The following PCDH7 variants were observed in gnomAD, a reference collection of about 807,000 sequenced individuals.
PCDH7 encodes the protein protocadherin 7, also known as protocadherin-7.
Under a neutral mutation model 58.9 loss-of-function variants are expected in PCDH7, and 17 were observed. The observed-to-expected ratio is 0.29, with a 90% CI of 0.20 to 0.43. The LOEUF (loss-of-function observed/expected upper bound fraction) is 0.43, where lower values mean the gene tolerates loss of function less well. Among genes scored for constraint, PCDH7 ranks in the 20% least tolerant of loss-of-function variants. PCDH7 has a pLI of 1.00. For synonymous variants in PCDH7, 664 were observed against 616.4 expected (o/e 1.08, Z -1.14); for missense variants, 1,274 against 1,441.0 (o/e 0.88, Z 1.88).
chr4:30,799,758 C>T (rs76620647), intron 1 of PCDH7, among the ~76,000 whole-genome samples: 2,354 of 152,018 alleles, frequency 0.015, 56 homozygotes, highest in African/African-American at 0.053. Context: ...GGTTTCCTTA[C>T]CAGACTTATT....
intron 1 of PCDH7, among the ~76,000 whole-genome samples, chr4:30,910,956 C>T (rs1321118345): frequency 6.6e-6 from 1 of 152,168 alleles, no homozygotes; most frequent in Non-Finnish European, 1.5e-5. Flanking sequence ...GGCACATACA[C>T]ACCATGGAAT....
intron 3 of PCDH7, among the ~76,000 whole-genome samples, chr4:31,013,243 T>A (rs1164972903): frequency 6.9e-6 from 1 of 144,396 alleles, no homozygotes; most frequent in Non-Finnish European, 1.5e-5. Context: ...CAACTATGGA[T>A]GCACACATGG....
At chr4:30,895,515 A>G (rs779387096) in intron 1 of PCDH7, among the ~76,000 whole-genome samples, 1 of 152,092 alleles carries the variant, frequency 6.6e-6, no homozygotes, top group Non-Finnish European at 1.5e-5. Flanking sequence ...CCCTACCTGC[A>G]CTCTCATCAT....
intron 1 of PCDH7, among the ~76,000 whole-genome samples, chr4:30,909,852 G>T (rs1006139732): frequency 2.6e-5 from 4 of 152,130 alleles, no homozygotes; most frequent in Non-Finnish European, 4.4e-5. Flanking sequence ...AGCCAAAAAA[G>T]AGCCCATATA....
intron 1 of PCDH7, among the ~76,000 whole-genome samples, chr4:30,807,838 T>C (rs1726438463): frequency 6.6e-6 from 1 of 152,304 alleles, no homozygotes; most frequent in African/African-American, 2.4e-5. Flanking sequence ...GCTTTGATCT[T>C]AATTATTTCA....
At chr4:30,933,955 T>C (rs935909475) in intron 2 of PCDH7, among the ~76,000 whole-genome samples, 2 of 152,222 alleles carry the variant, frequency 1.3e-5, no homozygotes, top group South Asian at 2.1e-4. Flanking sequence ...AATCTTTCAA[T>C]AGGTAACTGC....
intron 1 of PCDH7, among the ~76,000 whole-genome samples, chr4:30,757,715 A>C (rs1449593349): frequency 1.3e-5 from 2 of 152,084 alleles, no homozygotes; most frequent in Non-Finnish European, 2.9e-5. Flanking sequence ...TACACTAATC[A>C]CTTTGCATTC....
chr4:30,794,601 G>A (rs1724551317), intron 1 of PCDH7, among the ~76,000 whole-genome samples: 1 of 146,742 alleles, frequency 6.8e-6, no homozygotes, highest in Non-Finnish European at 1.5e-5. Flanking sequence ...CTTATAAGAA[G>A]GGAGACATTT....
exon 1 of PCDH7, chr4:30,724,314 T>C (rs1364403132): frequency 6.2e-7 from 1 of 1,614,048 alleles, no homozygotes; most frequent in African/African-American, 1.3e-5. Flanking sequence ...GACAGAGGTA[T>C]GATAGTGTCA....
At chr4:30,975,721 TA>T (rs1385751842) in intron 3 of PCDH7, among the ~76,000 whole-genome samples, 1 of 152,194 alleles carries the variant, frequency 6.6e-6, no homozygotes, top group Non-Finnish European at 1.5e-5. Flanking sequence ...ATAGTAAAAA[TA>T]AATGCCCTTG....
At position 30,723,617 on chromosome 4, in the gene PCDH7, T is replaced by C. The variant is rs1294122743; in HGVS notation, c.2195T>C (p.Val732Ala). ...GCCACAGCTACAGTCTCGCTTTTTG[T>C]GATGGATGAAAATGACAATGCTCCC... is the stretch of plus-strand genomic sequence containing the variant. Residue 732 changes from valine to alanine, a missense_variant, in exon 1 of 2, where the codon GTG becomes GCG. Physicochemically the swap from Val to Ala is moderately conservative, Grantham distance 64. Coordinates refer to ENST00000361762, the Ensembl canonical transcript of PCDH7. The surrounding 1 kb of genome is among the most constrained non-coding windows in gnomAD (Gnocchi z 4.6). 1 of 1,614,134 alleles carries C rather than the reference T, an allele frequency of 6.2e-7. No homozygotes were observed. Among genetic ancestry groups the C allele is most frequent in the Non-Finnish European group, 8.5e-7 (1 of 1,180,030 alleles).
chr4:31,116,822 G>GT (rs1176249422), intron 3 of PCDH7, among the ~76,000 whole-genome samples: 2 of 151,888 alleles, frequency 1.3e-5, no homozygotes, highest in East Asian at 1.9e-4. Context: ...TATTTGTGGG[G>GT]TTTTTTTGTT....
intron 3 of PCDH7, among the ~76,000 whole-genome samples, chr4:31,126,360 A>G (rs1718307036): frequency 6.6e-6 from 1 of 151,986 alleles, no homozygotes; most frequent in Non-Finnish European, 1.5e-5. Context: ...GGGTTTTGCC[A>G]TGTTGGCCAG....
chr4:30,773,875 G>A (rs954270562), intron 1 of PCDH7, among the ~76,000 whole-genome samples: 2 of 151,944 alleles, frequency 1.3e-5, no homozygotes, highest in Non-Finnish European at 2.9e-5. Flanking sequence ...CTTCCCCTAG[G>A]GACAAGCTAG....
At chr4:31,018,409 T>A (rs1377536411) in intron 3 of PCDH7, among the ~76,000 whole-genome samples, 1 of 152,200 alleles carries the variant, frequency 6.6e-6, no homozygotes, top group Non-Finnish European at 1.5e-5. Context: ...TTTTCCTCAC[T>A]TACTACCAGT....
chr4:30,834,664 T>TAA (rs1466320856), intron 1 of PCDH7, among the ~76,000 whole-genome samples: 3 of 134,956 alleles, frequency 2.2e-5, no homozygotes, highest in Admixed American at 7.3e-5. Flanking sequence ...GAGATGAAAG[T>TAA]AAAAAAAAAA....
intron 3 of PCDH7, among the ~76,000 whole-genome samples, chr4:31,066,702 G>T (rs1463037463): frequency 2.0e-5 from 3 of 151,788 alleles, no homozygotes; most frequent in Non-Finnish European, 4.4e-5. Flanking sequence ...TTTTGGTCAT[G>T]CCATTGACAC....
chr4:30,883,177 C>T (rs910736269), intron 1 of PCDH7, among the ~76,000 whole-genome samples: 24 of 152,092 alleles, frequency 1.6e-4, no homozygotes, highest in African/African-American at 3.6e-4. Flanking sequence ...CAGAATCCCA[C>T]GGAGGTAATT....
At chr4:30,976,399 C>CTTTTTTT (rs370648622) in intron 3 of PCDH7, among the ~76,000 whole-genome samples, 2 of 113,542 alleles carry the variant, frequency 1.8e-5, no homozygotes, top group African/African-American at 3.6e-5. Flanking sequence ...CCATAAAATA[C>CTTTTTTT]TTTTTTTTTT....
Sources: allele counts gnomAD v4.1 joint callset (sites outside exome capture counted in the v4.1 genomes callset), GRCh38; gene constraint gnomAD v4.1.1; non-coding constraint Gnocchi (gnomAD v3.1); transcripts MANE v1.5; gene names NCBI Gene and HGNC (gene_info 2026-07-23, HGNC 2026-07-21).